The following MCF2L variants were observed in gnomAD, a reference collection of about 807,000 sequenced individuals.
The protein encoded by MCF2L is guanine nucleotide exchange factor DBS.
A neutral mutation model predicts 153.4 loss-of-function variants in MCF2L; 97 were observed. The observed-to-expected ratio is 0.63, with a 90% CI of 0.54 to 0.75. The LOEUF (loss-of-function observed/expected upper bound fraction) is 0.75, where lower values mean the gene tolerates loss of function less well. MCF2L is among the 30% of genes least tolerant of loss of function. The pLI, the probability that MCF2L is intolerant of heterozygous loss-of-function variation, is 0.00. For missense variants in MCF2L, 1,347 were observed against 1,495.2 expected, an observed-to-expected ratio of 0.90 and a Z score of 1.64; for synonymous variants, 659 against 632.2, an observed-to-expected ratio of 1.04 and a Z score of -0.64.
At chr13:112,970,838 C>A (rs2082015793) in intron 1 of MCF2L, among the ~76,000 whole-genome samples, 1 of 152,142 alleles carries the variant, frequency 6.6e-6, no homozygotes, top group African/African-American at 2.4e-5. Flanking sequence ...TGTCTGCTCA[C>A]TGAATGTCGT....
intron 2 of MCF2L, among the ~76,000 whole-genome samples, chr13:112,946,081 T>C (rs994318676): frequency 6.6e-6 from 1 of 152,122 alleles, no homozygotes; most frequent in Non-Finnish European, 1.5e-5. Context: ...CTCTCTTCCA[T>C]TTGTATTTGT....
rs573267812 is a variant in MCF2L at position 112,916,665 on chromosome 13, C to T, written c.169+14294C>T. Among the ~76,000 whole-genome samples the T allele has an allele frequency of 3.2e-4, 48 of 152,280 alleles. 1 individual carries two copies. The highest frequency in any genetic ancestry group is 6.2e-4 in the South Asian group (3 of 4,824). On this transcript the variant is annotated intron_variant, in intron 2 of 29. Coordinates refer to the MCF2L transcript ENST00000375608. ...CATAGCTCAGTATAGCTGCATGAAG[C>T]GTTCCACCGGGCAGACGGTGTTGAT...
chr13:112,985,338 C>T (rs1001311583), intron 1 of MCF2L: 53 of 461,472 alleles, frequency 1.1e-4, no homozygotes, highest in Non-Finnish European at 1.8e-4. Context: ...AGGGTTGTGG[C>T]GAGCCCAGGG....
rs1448903017 is a variant in MCF2L, at chr13:113,084,085, G to A, written c.2061+18G>A. ...TGGAGAGGGTAGGTGGTGTTTTGAC[G>A]TGTATTTTGTCACAACTTCTTAAAA... On this transcript the variant is annotated intron_variant, in intron 18 of 29. Coordinates refer to ENST00000535094, the MANE Select transcript of MCF2L (RefSeq NM_001112732.3). 25 of 1,604,772 alleles carry A rather than the reference G, an allele frequency of 1.6e-5. No individual in the cohort carries two copies. Among genetic ancestry groups the A allele is most frequent in the South Asian group, 9.9e-5 (9 of 90,870 alleles).
chr13:112,986,770 C>T (rs1048012947), intron 1 of MCF2L, among the ~76,000 whole-genome samples: 3 of 152,240 alleles, frequency 2.0e-5, no homozygotes, highest in South Asian at 2.1e-4. Flanking sequence ...GTCCTGCAGC[C>T]GGGTCTGCAC....
rs1367372769 is a variant in MCF2L at position 113,022,511 on chromosome 13, T to C, written c.164-2133T>C. On this transcript the variant is annotated intron_variant, in intron 2 of 29. Transcript: ENST00000535094. ...GCGTCACTCCACACACATAGGCTTC[T>C]GGGCGGTGCTGGAAGCTTCTGGCCC... is the stretch of plus-strand genomic sequence containing the variant. 3.3e-5 allele frequency among the ~76,000 whole-genome samples: 5 copies of C among 152,206 alleles called. No homozygotes were observed. In the East Asian group the frequency reaches 9.7e-4, roughly 29 times the overall value.
At chr13:112,899,369 C>T (rs1028605418) in intron 1 of MCF2L, among the ~76,000 whole-genome samples, 2 of 152,148 alleles carry the variant, frequency 1.3e-5, no homozygotes, top group African/African-American at 4.8e-5. Flanking sequence ...AGGGTGGCGG[C>T]GCCTGTTGGG....
At chr13:113,021,601 A>T (rs1417948188) in intron 2 of MCF2L, among the ~76,000 whole-genome samples, 1 of 152,148 alleles carries the variant, frequency 6.6e-6, no homozygotes, top group African/African-American at 2.4e-5. Context: ...GCCTCCAGTT[A>T]CTAGGCCGGG....
chr13:112,936,696 A>G (rs908604198), intron 2 of MCF2L, among the ~76,000 whole-genome samples: 2 of 152,228 alleles, frequency 1.3e-5, no homozygotes, highest in African/African-American at 4.8e-5. Context: ...AATTCAGATT[A>G]TATTAGGAAA....
intron 2 of MCF2L, among the ~76,000 whole-genome samples, chr13:112,945,519 G>T (rs2081628496): frequency 6.6e-6 from 1 of 152,198 alleles, no homozygotes; most frequent in Non-Finnish European, 1.5e-5. Context: ...CTATCTTTGG[G>T]ATCTTTTTTT....
chr13:112,991,688 T>A (rs2082902950), intron 1 of MCF2L, among the ~76,000 whole-genome samples: 1 of 152,232 alleles, frequency 6.6e-6, no homozygotes, highest in Non-Finnish European at 1.5e-5. Flanking sequence ...GTTTGCTGTT[T>A]GTGACCCTGA....
intron 3 of MCF2L, among the ~76,000 whole-genome samples, chr13:113,029,402 G>T (rs1033305783): frequency 6.6e-6 from 1 of 152,218 alleles, no homozygotes; most frequent in African/African-American, 2.4e-5. Context: ...GGGCATCTAC[G>T]GGATGCCTTC....
At chr13:112,919,812 A>T (rs1009413207) in intron 2 of MCF2L, among the ~76,000 whole-genome samples, 6 of 152,298 alleles carry the variant, frequency 3.9e-5, no homozygotes, top group African/African-American at 1.2e-4. Context: ...TGCAATTTTT[A>T]AAATTAAACT....
In MCF2L at chr13:113,066,651, G is replaced by A. The variant is rs143208931; in HGVS notation, c.881+481G>A. Among the ~76,000 whole-genome samples the A allele has an allele frequency of 2.6e-5, 4 of 152,238 alleles. No individual in the cohort carries two copies. The East Asian group carries it at 7.7e-4, about 29-fold the overall frequency. On this transcript the variant is annotated intron_variant, in intron 8 of 29. Transcript: ENST00000535094. ...CACAGGGTAGGGCACTCGTGTGGTT[G>A]GCATGGTGCTCTAGGATGTCCAGAA... is the stretch of plus-strand genomic sequence containing the variant.
intron 1 of MCF2L, among the ~76,000 whole-genome samples, chr13:112,982,365 CGCATCCATGGGGCCTGGAGCCT>C (rs1216158664): frequency 6.6e-6 from 1 of 152,162 alleles, no homozygotes; most frequent in Non-Finnish European, 1.5e-5. Context: ...CAAGGGTGGC[CGCATCCATGGGGCCTGGAGCCT>C]GCGGACTGCA....
chr13:113,065,985 C>A, intron 7 of MCF2L, 61 bp from the exon 8 acceptor site: 2 of 1,565,410 alleles, frequency 1.3e-6, no homozygotes, highest in Non-Finnish European at 1.7e-6. Flanking sequence ...CGAGGCCTCA[C>A]CACCAGCCTG....
intron 1 of MCF2L, among the ~76,000 whole-genome samples, chr13:112,984,683 C>T (rs551671113): frequency 2.0e-5 from 3 of 152,232 alleles, no homozygotes; most frequent in Admixed American, 6.5e-5. Flanking sequence ...TTCCTAGTAG[C>T]GCGTGCAAAA....
intron 29 of MCF2L, 52 bp downstream of exon 29, chr13:113,096,705 G>A (rs755830248): frequency 3.2e-6 from 5 of 1,554,666 alleles, no homozygotes; most frequent in South Asian, 2.3e-5. Flanking sequence ...GGGCCCGGGC[G>A]AGGAAGCTGC....
At chr13:113,060,857 C>T in intron 5 of MCF2L, 145 bp downstream of exon 5, 1 of 1,073,400 alleles carries the variant, frequency 9.3e-7, no homozygotes, top group Non-Finnish European at 1.3e-6. Context: ...GGAAGTTGCA[C>T]CTCCTCAATG....
Sources: allele counts gnomAD v4.1 joint callset (sites outside exome capture counted in the v4.1 genomes callset), GRCh38; gene constraint gnomAD v4.1.1; transcripts MANE v1.5; gene names NCBI Gene and HGNC (gene_info 2026-07-23, HGNC 2026-07-21).